Variants in BMPR1A observed in about 807,000 individuals in gnomAD.
BMPR1A encodes the protein bone morphogenetic protein receptor type 1A.
BMPR1A carries 7 observed loss-of-function variants against 66.0 expected under a neutral mutation model. That is an observed-to-expected ratio of 0.11 (90% CI 0.06 to 0.20). The LOEUF is 0.20. Among genes scored for constraint, BMPR1A ranks in the 10% least tolerant of loss-of-function variants. The pLI is 1.00. For synonymous variants in BMPR1A, 200 were observed against 229.7 expected, an observed-to-expected ratio of 0.87 and a Z score of 1.17; for missense variants, 408 against 669.1, an observed-to-expected ratio of 0.61 and a Z score of 4.31.
chr10:86,835,548 T>TGAAA (rs1564698905), intron 1 of BMPR1A, among the ~76,000 whole-genome samples: 1 of 11,282 alleles, frequency 8.9e-5, no homozygotes, highest in African/African-American at 4.2e-4. Context: ...AGACTCTGTA[T>TGAAA]CAAAAAAAAA....
chr10:86,783,815 C>T (rs1841473660), intron 1 of BMPR1A, among the ~76,000 whole-genome samples: 1 of 152,172 alleles, frequency 6.6e-6, no homozygotes, highest in African/African-American at 2.4e-5. Flanking sequence ...TCTCGAAGTG[C>T]TGGAATTACA....
chr10:86,778,216 T>C (rs2132692651), intron 1 of BMPR1A, among the ~76,000 whole-genome samples: 1 of 149,262 alleles, frequency 6.7e-6, no homozygotes, highest in African/African-American at 2.6e-5. Context: ...TCTTAAAACA[T>C]GAGATTTTTT....
chr10:86,915,959 T>C (rs142815325), intron 8 of BMPR1A, among the ~76,000 whole-genome samples: 118 of 152,336 alleles, frequency 7.7e-4, no homozygotes, highest in African/African-American at 2.8e-3. Flanking sequence ...TAAATACTTA[T>C]ATTCTGTGAG....
intron 1 of BMPR1A, among the ~76,000 whole-genome samples, chr10:86,772,750 G>A (rs1234754239): frequency 6.6e-6 from 1 of 151,970 alleles, no homozygotes; most frequent in Non-Finnish European, 1.5e-5. Flanking sequence ...ATTGGTTATG[G>A]CATGTAGACG....
intron 7 of BMPR1A, among the ~76,000 whole-genome samples, chr10:86,909,251 A>G (rs1390954187): frequency 6.6e-6 from 1 of 152,218 alleles, no homozygotes; most frequent in Non-Finnish European, 1.5e-5. Flanking sequence ...GTCAATAGTT[A>G]AAGCCTAAGA....
rs1354339570 is a variant in BMPR1A at position 86,799,506 on chromosome 10, C to CTTCCTTCCTTCCTTCCTTCCTTTCT, written c.-267-39357_-267-39356insCCTTCCTTCCTTCCTTCCTTTCTTT. ...CCTTCCTTCCTTCCTTCCTTCCTTC[C>CTTCCTTCCTTCCTTCCTTCCTTTCT]TTTCTTTTCTTTTCTTTTCTTTTCT... On this transcript the variant is annotated intron_variant, in intron 1 of 12. Transcript: ENST00000372037. Among the ~76,000 whole-genome samples, 48 of 64,530 alleles carry CTTCCTTCCTTCCTTCCTTCCTTTCT rather than the reference C, an allele frequency of 7.4e-4. 1 individual carries two copies. Among genetic ancestry groups the CTTCCTTCCTTCCTTCCTTCCTTTCT allele is most frequent in the African/African-American group, 1.8e-3 (42 of 23,748 alleles). 42.3% of individuals were successfully genotyped at this position (64,530 alleles called of 152,430 possible).
At chr10:86,893,449 A>G (rs1432036565) in intron 5 of BMPR1A, among the ~76,000 whole-genome samples, 3 of 152,198 alleles carry the variant, frequency 2.0e-5, no homozygotes, top group Admixed American at 2.0e-4. Flanking sequence ...TTTGTGCATA[A>G]TTTAAGTCTC....
intron 3 of BMPR1A, among the ~76,000 whole-genome samples, chr10:86,882,153 G>A (rs1341307500): frequency 6.6e-6 from 1 of 152,158 alleles, no homozygotes. Context: ...GGGTATGTGT[G>A]GGTTCATTGT....
chr10:86,882,091 G>A (rs1317398310), intron 3 of BMPR1A, among the ~76,000 whole-genome samples: 3 of 151,956 alleles, frequency 2.0e-5, no homozygotes, highest in African/African-American at 7.3e-5. Flanking sequence ...AAAGGGGGAG[G>A]GAGTGAAACA....
At chr10:86,931,294 C>T (rs966484626), downstream of BMPR1A, 2 of 81,258 alleles carry the variant, frequency 2.5e-5, no homozygotes, top group African/African-American at 1.1e-4. Context: ...CACACACACA[C>T]ACACATATAT....
intron 2 of BMPR1A, among the ~76,000 whole-genome samples, chr10:86,853,298 G>GA (rs571826584): frequency 0.066 from 9,394 of 141,296 alleles, 390 homozygotes; most frequent in Non-Finnish European, 0.083. Context: ...TTTTTTCTAA[G>GA]AAAAAAAAAA....
chr10:86,876,365 A>G (rs1189797504), intron 3 of BMPR1A, among the ~76,000 whole-genome samples: 2 of 152,248 alleles, frequency 1.3e-5, no homozygotes, highest in East Asian at 3.8e-4. Flanking sequence ...ATTAAATGAG[A>G]TAAAGTATGT....
At chr10:86,834,961 G>GA (rs1329380438) in intron 1 of BMPR1A, among the ~76,000 whole-genome samples, 1 of 152,032 alleles carries the variant, frequency 6.6e-6, no homozygotes, top group African/African-American at 2.4e-5. Context: ...GAAGGGAGGA[G>GA]AAATGATAGG....
In BMPR1A at chr10:86,883,549, C is replaced by CAAAA. The variant is rs71019436; in HGVS notation, c.68-6495_68-6492dup. On this transcript the variant is annotated intron_variant, in intron 3 of 12. Coordinates refer to ENST00000372037, the MANE Select transcript of BMPR1A (RefSeq NM_004329.3). ...TGGGCGACAGAGCGAGACTCCGTCT[C>CAAAA]AAAAAAAAAAAAAAAAAAAAAGACC... 1.5e-3 allele frequency among the ~76,000 whole-genome samples: 70 copies of CAAAA among 45,388 alleles called. 2 individuals are homozygous for CAAAA. The East Asian group carries it at 0.023, about 15-fold the overall frequency. 29.8% of individuals were successfully genotyped at this position (45,388 alleles called of 152,430 possible).
intron 7 of BMPR1A, among the ~76,000 whole-genome samples, chr10:86,904,345 CAAG>C (rs889165422): frequency 6.6e-6 from 1 of 151,952 alleles, no homozygotes; most frequent in African/African-American, 2.4e-5. Context: ...TTAAATGAAA[CAAG>C]AAGGAAAAAA....
In BMPR1A at chr10:86,926,058, G is replaced by A; in HGVS notation, c.*2339G>A. On this transcript the variant is annotated 3_prime_UTR_variant, in exon 13 of 13. Transcript: ENST00000372037. ...TATTGGAAATGTTCAAATGGTGTGT[G>A]GAAGCAAAAAATTACAGCCAGTATA... The A allele has an allele frequency of 5.8e-6, 1 of 171,232 alleles. No individual in the cohort carries two copies. The highest frequency in any genetic ancestry group is 1.3e-5 in the Non-Finnish European group (1 of 79,984). The allele number at this position is 171,232 out of a possible 1,614,324, so 10.6% of individuals were successfully genotyped here.
At chr10:86,800,944 C>T (rs11202192) in intron 1 of BMPR1A, among the ~76,000 whole-genome samples, 2,220 of 152,192 alleles carry the variant, frequency 0.015, 35 homozygotes, top group South Asian at 0.079. Flanking sequence ...CACGTACTTA[C>T]GTATGATGAG....
Position 86,855,886 on chromosome 10 carries a change from T to G in BMPR1A, c.-153+16907T>G, listed in dbSNP as rs1432512114. The G allele has an allele frequency of 4.4e-6, 3 of 688,370 alleles. No homozygotes were observed. The African/African-American group carries it at 5.4e-5, about 12-fold the overall frequency. The allele number at this position is 688,370 out of a possible 1,614,324, so 42.6% of individuals were successfully genotyped here. A position where few individuals can be genotyped will look rare whatever the true frequency, so the allele number is the denominator to read the frequency against. On this transcript the variant is annotated intron_variant, in intron 2 of 12. Transcript: ENST00000372037. ...TGCTGGAAGAACAATTGCTAGAAGA[T>G]TCATATTGCTTTTCAAACTGGCTAG...
intron 2 of BMPR1A, among the ~76,000 whole-genome samples, chr10:86,865,687 T>A (rs1263161529): frequency 6.6e-6 from 1 of 152,226 alleles, no homozygotes; most frequent in African/African-American, 2.4e-5. Context: ...AGAACCAGTA[T>A]TTCTCAACAA....
Sources: allele counts gnomAD v4.1 joint callset (sites outside exome capture counted in the v4.1 genomes callset), GRCh38; gene constraint gnomAD v4.1.1; transcripts MANE v1.5; gene names NCBI Gene and HGNC (gene_info 2026-07-23, HGNC 2026-07-21).